PELI3: variants seen among roughly 807,000 people sequenced by gnomAD.
PELI3 encodes the protein E3 ubiquitin-protein ligase pellino homolog 3.
Under a neutral mutation model 35.5 loss-of-function variants are expected in PELI3, and 19 were observed. That is an observed-to-expected ratio of 0.54 (90% CI 0.37 to 0.79). The LOEUF is 0.79. Among genes scored for constraint, PELI3 ranks in the 30% least tolerant of loss-of-function variants. PELI3 has a pLI of 0.00. For synonymous variants in PELI3, 262 were observed against 279.2 expected, an observed-to-expected ratio of 0.94 and a Z score of 0.62; for missense variants, 490 against 661.2, an observed-to-expected ratio of 0.74 and a Z score of 2.84.
rs1287079666 is a variant in PELI3, at chr11:66,473,814, G to A, written c.729G>A (p.Pro243=). The change falls in exon 7 of 8, where the codon CCG becomes CCA. Residue 243 remains proline, a synonymous_variant. Coordinates refer to ENST00000320740, the MANE Select transcript of PELI3 (RefSeq NM_145065.3). The surrounding 1 kb of genome is among the most constrained non-coding windows in gnomAD (Gnocchi z 5.8). ...LTTNGVLVMH[P]AGGFSEDSAP... is the part of the protein sequence containing the mutation. ...CCAATGGAGTCCTGGTGATGCACCC[G>A]GCAGGCGGCTTCTCCGAGGACTCAG... The A allele has an allele frequency of 3.1e-6, 5 of 1,613,792 alleles. No individual in the cohort carries two copies. The highest frequency in any genetic ancestry group is 2.2e-5 in the South Asian group (2 of 91,088).
chr11:66,466,886 C>T (rs1854544745), upstream of PELI3: 1 of 151,930 alleles, frequency 6.6e-6, no homozygotes, highest in Non-Finnish European at 1.5e-5. Flanking sequence ...GCGCTCATCC[C>T]CCTCCCCCGG....
At chr11:66,468,982 C>G (rs958331598) in intron 3 of PELI3, 78 bp downstream of exon 3, 3 of 647,534 alleles carry the variant, frequency 4.6e-6, no homozygotes, top group Non-Finnish European at 8.6e-6. Flanking sequence ...CCACAGCTGA[C>G]CCTCACACTA....
intron 3 of PELI3, among the ~76,000 whole-genome samples, chr11:66,470,129 G>A: frequency 6.6e-6 from 1 of 152,154 alleles, no homozygotes; most frequent in Non-Finnish European, 1.5e-5. Context: ...CTCACTAGAA[G>A]ATTCTGATTC....
At position 66,467,413 on chromosome 11, in the gene PELI3, G is replaced by C. The variant is rs1002233999; in HGVS notation, c.-2+386G>C. ...GGCTGTGCTGCAGCCCGAGCTCGAG[G>C]GGGGAGCGCCGCCTCCGCAGGCCTC... On this transcript the variant is annotated intron_variant, in intron 1 of 7. Transcript: ENST00000320740. The surrounding 1 kb of genome is among the most constrained non-coding windows in gnomAD (Gnocchi z 4.2). The C allele has an allele frequency of 2.6e-5, 4 of 152,150 alleles. No homozygotes were observed. The highest frequency in any genetic ancestry group is 4.4e-5 in the Non-Finnish European group (3 of 68,028). 9.4% of individuals were successfully genotyped at this position (152,150 alleles called of 1,614,324 possible).
In PELI3 at chr11:66,473,092, T is replaced by C. The variant is rs2134695048; in HGVS notation, c.457-149T>C. 1 of 694,632 alleles carries C rather than the reference T, an allele frequency of 1.4e-6. No individual in the cohort carries two copies. The highest frequency in any genetic ancestry group is 2.9e-5 in the East Asian group (1 of 34,950). The allele number at this position is 694,632 out of a possible 1,614,324, so 43.0% of individuals were successfully genotyped here. On this transcript the variant is annotated intron_variant, in intron 5 of 7. Transcript: ENST00000320740. This position sits in a 1 kb window ranked among gnomAD's most constrained non-coding sequence, Gnocchi z 5.8. Reference sequence around the variant, plus strand: ...CCCACCTGGGAGCCTAGAGGGCCTATGGAGTTGGTGCTGCCCCTTCTCCAG... The same window carrying C: ...CCCACCTGGGAGCCTAGAGGGCCTACGGAGTTGGTGCTGCCCCTTCTCCAG...
intron 7 of PELI3, 131 bp from the exon 8 acceptor site, chr11:66,475,467 T>C (rs1590722860): frequency 1.1e-6 from 1 of 942,026 alleles, no homozygotes; most frequent in South Asian, 1.7e-5. Context: ...CTTGGCCTCC[T>C]AGCCTGCCTT....
rs1466103639 is a variant in PELI3 at position 66,473,947 on chromosome 11, C to G, written c.840+22C>G. 1 of 1,610,846 alleles carries G rather than the reference C, an allele frequency of 6.2e-7. No individual in the cohort carries two copies. The highest frequency in any genetic ancestry group is 1.7e-5 in the Admixed American group (1 of 59,978). ...GCTGGTAGGTGGCCCGCTCCATTCC[C>G]CACCCCTATCCTTGCCAGGCCCTCA... On this transcript the variant is annotated intron_variant, in intron 7 of 7. Coordinates refer to ENST00000320740, the MANE Select transcript of PELI3 (RefSeq NM_145065.3). This position sits in a 1 kb window ranked among gnomAD's most constrained non-coding sequence, Gnocchi z 5.8.
Position 66,472,381 on chromosome 11 carries a change from C to A in PELI3, c.367C>A (p.Arg123Ser). Residue 123 changes from arginine (R) to serine (S), a missense_variant, in exon 5 of 8, where the codon CGT (arginine) becomes AGT (serine). Around this residue, in one of 3 missense-constraint regions of PELI3, gnomAD observed 137 missense variants for 157.1 expected, o/e 0.87. Coordinates refer to ENST00000320740, the MANE Select transcript of PELI3 (RefSeq NM_145065.3). ...TPLVSKALSN[R>S]GQHSISYTLS... is the part of the protein sequence containing the mutation. ...TTCTCCCCACCAGGCACTGAGTAAC[C>A]GTGGTCAGCACAGCATCTCGTATAC... The A allele has an allele frequency of 6.2e-7, 1 of 1,614,016 alleles. No individual in the cohort carries two copies. Among genetic ancestry groups the A allele is most frequent in the Non-Finnish European group, 8.5e-7 (1 of 1,179,936 alleles).
chr11:66,468,137 G>T lies in PELI3; in HGVS notation c.9G>T (p.Leu3=). The T allele has an allele frequency of 3.7e-6, 6 of 1,607,730 alleles. No homozygotes were observed. Among genetic ancestry groups the T allele is most frequent in the Non-Finnish European group, 4.2e-6 (5 of 1,176,568 alleles). The change falls in exon 2 of 8, where the codon CTG becomes CTT. Residue 3 remains leucine (L), a synonymous_variant. Coordinates refer to ENST00000320740, the MANE Select transcript of PELI3 (RefSeq NM_145065.3). The stretch of plus-strand genomic sequence containing the variant: ...CTCCCACTCTGCCCAGAATGGTGCT[G>T]GAAGGAAACCCTGAAGTGGGGTCCC... The part of the protein sequence containing the change: MV[L]EGNPEVGSPR...
At chr11:66,470,936 C>T (rs1167839542) in intron 3 of PELI3, among the ~76,000 whole-genome samples, 2 of 152,140 alleles carry the variant, frequency 1.3e-5, no homozygotes, top group African/African-American at 4.8e-5. Context: ...CACAACTGAC[C>T]CGTGGTGCAT....
chr11:66,475,900 G>A lies in PELI3; in HGVS notation c.1143G>A (p.Glu381=). The A allele has an allele frequency of 1.2e-6, 2 of 1,608,504 alleles. No individual in the cohort carries two copies. Among genetic ancestry groups the A allele is most frequent in the Non-Finnish European group, 1.7e-6 (2 of 1,177,974 alleles). Residue 381 remains glutamate (E), a synonymous_variant, in exon 8 of 8, where the codon GAG becomes GAA. Coordinates refer to ENST00000320740, the MANE Select transcript of PELI3 (RefSeq NM_145065.3). ...GCCGGCGGGAGCGGGGCCCCCAGGA[G>A]CGCGAATGTCCTCTCTGCCGCCTTG... ...WGCRRERGPQ[E]RECPLCRLVG...
upstream of PELI3, chr11:66,466,603 A>T (rs1854532473): frequency 6.6e-6 from 1 of 151,898 alleles, no homozygotes; most frequent in Non-Finnish European, 1.5e-5. Context: ...GAGTTTGGGG[A>T]GTCTGAAATG....
chr11:66,476,322 CCCCCCAAG>C lies in PELI3; in HGVS notation c.*156_*163del. 1.4e-5 allele frequency: 12 copies of C among 831,548 alleles called. No homozygotes were observed. The highest frequency in any genetic ancestry group is 8.9e-5 in the Admixed American group (3 of 33,530). 51.5% of individuals were successfully genotyped at this position (831,548 alleles called of 1,614,324 possible). A position where few individuals can be genotyped will look rare whatever the true frequency, so the allele number is the denominator to read the frequency against. On this transcript the variant is annotated 3_prime_UTR_variant, in exon 8 of 8. Transcript: ENST00000320740. ...GCTGTGCCCTTCCCCCCAACTGTGG[CCCCCCAAG>C]GAGGTCCCCAAGATCTCCACCCCAG...
Position 66,475,584 on chromosome 11 carries a change from A to G in PELI3, c.841-14A>G, listed in dbSNP as rs747470208. ...GCCTCTTGGGCAGTAAGGCCCTTCT[A>G]CTGCCTCTGGCAGGTGGAAAACGAG... On this transcript the variant is annotated splice_polypyrimidine_tract_variant and intron_variant, in intron 7 of 7. Transcript: ENST00000320740. 3 of 1,610,686 alleles carry G rather than the reference A, an allele frequency of 1.9e-6. No individual in the cohort carries two copies. The highest frequency in any genetic ancestry group is 2.5e-6 in the Non-Finnish European group (3 of 1,179,222).
chr11:66,475,876 C>T lies in PELI3; in HGVS notation c.1119C>T (p.Cys373=), dbSNP rs1854896470. 3 of 1,605,728 alleles carry T rather than the reference C, an allele frequency of 1.9e-6. No homozygotes were observed. The highest frequency in any genetic ancestry group is 2.5e-6 in the Non-Finnish European group (3 of 1,177,132). ...GHVHGYHGWG[C]RRERGPQERE... ...TCCATGGCTACCACGGCTGGGGCTG[C>T]CGGCGGGAGCGGGGCCCCCAGGAGC... Residue 373 remains cysteine, a synonymous_variant, in exon 8 of 8, where the codon TGC becomes TGT. Coordinates refer to ENST00000320740, the MANE Select transcript of PELI3 (RefSeq NM_145065.3).
In PELI3 at chr11:66,473,489, C is replaced by T. The variant is rs1270822025; in HGVS notation, c.651+54C>T. ...CTTCATCTGTGAGGCAAGGGGTAGG[C>T]TTGGGAGGTGCAGCATCTTGAGGTG... On this transcript the variant is annotated intron_variant, in intron 6 of 7. Coordinates refer to ENST00000320740, the MANE Select transcript of PELI3 (RefSeq NM_145065.3). The surrounding 1 kb of genome is among the most constrained non-coding windows in gnomAD (Gnocchi z 5.8). The T allele has an allele frequency of 6.5e-7, 1 of 1,540,886 alleles. No individual in the cohort carries two copies. The highest frequency in any genetic ancestry group is 8.8e-7 in the Non-Finnish European group (1 of 1,137,116).
chr11:66,471,188 C>T, intron 3 of PELI3, 54 bp from the exon 4 acceptor site: 1 of 1,549,772 alleles, frequency 6.5e-7, no homozygotes. Flanking sequence ...TTCACTTTCT[C>T]TCTTTCTCTC....
chr11:66,476,507 C>G lies in PELI3; in HGVS notation c.*340C>G. ...GAAGGGGCCAGGGGCCTTTGACCCCCAGCTTAGGCTGGCTATGCCCTGAGC... is the reference window on the plus strand; with the variant it reads ...GAAGGGGCCAGGGGCCTTTGACCCCGAGCTTAGGCTGGCTATGCCCTGAGC... On this transcript the variant is annotated 3_prime_UTR_variant, in exon 8 of 8. Coordinates refer to ENST00000320740, the MANE Select transcript of PELI3 (RefSeq NM_145065.3). 1 of 324,252 alleles carries G rather than the reference C, an allele frequency of 3.1e-6. No individual in the cohort carries two copies. The highest frequency in any genetic ancestry group is 5.7e-6 in the Non-Finnish European group (1 of 174,488). The allele number at this position is 324,252 out of a possible 1,614,324, so 20.1% of individuals were successfully genotyped here. A position where few individuals can be genotyped will look rare whatever the true frequency, so the allele number is the denominator to read the frequency against.
Position 66,473,256 on chromosome 11 carries a change from G to A in PELI3, c.472G>A (p.Glu158Lys). 6.2e-7 allele frequency: 1 copy of A among 1,611,706 alleles called. No individual in the cohort carries two copies. ...TDMFQIGRST[E>K]NMIDFVVTDT... The stretch of plus-strand genomic sequence containing the variant: ...GTCCTCACAGATTGGCCGCTCCACA[G>A]AGAACATGATTGACTTCGTGGTAAC... The change falls in exon 6 of 8, where the codon GAG becomes AAG. Residue 158 changes from glutamate (E) to lysine (K), a missense_variant. This residue lies in a region of PELI3 where 349 missense variants were observed against 484.8 expected (regional missense o/e 0.72). Transcript: ENST00000320740. The surrounding 1 kb of genome is among the most constrained non-coding windows in gnomAD (Gnocchi z 5.8).
Sources: allele counts gnomAD v4.1 joint callset (sites outside exome capture counted in the v4.1 genomes callset), GRCh38; gene constraint gnomAD v4.1.1; regional missense constraint gnomAD v4.1.1; non-coding constraint Gnocchi (gnomAD v3.1); transcripts MANE v1.5; gene names NCBI Gene and HGNC (gene_info 2026-07-23, HGNC 2026-07-21).